The following PLCXD3 variants were observed in gnomAD, a reference collection of about 807,000 sequenced individuals.
PLCXD3 encodes phosphatidylinositol specific phospholipase C X domain containing 3.
In PLCXD3, 19 loss-of-function variants were observed where a neutral mutation model predicts 25.5. The ratio of observed to expected loss-of-function variants is 0.75; its 90% CI spans 0.52 to 1.09. The LOEUF (loss-of-function observed/expected upper bound fraction) is 1.09. Ranked by LOEUF, PLCXD3 falls within the 50% of genes least tolerant of loss-of-function variation. PLCXD3 has a pLI of 0.00. For missense variants in PLCXD3, 411 were observed against 388.1 expected (o/e 1.06, Z -0.50); for synonymous variants, 174 against 137.6 (o/e 1.26, Z -1.85).
chr5:41,362,508 C>G (rs953049468), intron 2 of PLCXD3, among the ~76,000 whole-genome samples: 1 of 152,118 alleles, frequency 6.6e-6, no homozygotes, highest in Non-Finnish European at 1.5e-5. Context: ...AATAATATGT[C>G]TATTATAGTC....
intron 2 of PLCXD3, among the ~76,000 whole-genome samples, chr5:41,348,849 C>T (rs73075983): frequency 0.011 from 1,719 of 152,120 alleles, 25 homozygotes; most frequent in African/African-American, 0.04. Context: ...TGAAAATAAG[C>T]CATTTCCTTC....
chr5:41,500,752 T>G (rs527965365), intron 1 of PLCXD3, among the ~76,000 whole-genome samples: 1 of 151,894 alleles, frequency 6.6e-6, no homozygotes, highest in Admixed American at 6.6e-5. Flanking sequence ...AAAGCCTCTC[T>G]GCAGGAAAAG....
chr5:41,502,467 C>T (rs1052952264), intron 1 of PLCXD3, among the ~76,000 whole-genome samples: 1 of 151,956 alleles, frequency 6.6e-6, no homozygotes, highest in Non-Finnish European at 1.5e-5. Flanking sequence ...TGCTTTAATA[C>T]AATGGAGCCC....
intron 1 of PLCXD3, among the ~76,000 whole-genome samples, chr5:41,500,600 A>G (rs1480912217): frequency 6.6e-6 from 1 of 151,702 alleles, no homozygotes; most frequent in African/African-American, 2.4e-5. Flanking sequence ...CTTAAACCTA[A>G]GACCTGAAAC....
chr5:41,316,218 G>A (rs188098590), intron 2 of PLCXD3, among the ~76,000 whole-genome samples: 8 of 152,254 alleles, frequency 5.3e-5, no homozygotes, highest in Middle Eastern at 3.4e-3. Flanking sequence ...CCCCGTTCCA[G>A]GCCCTAGCTC....
chr5:41,462,800 A>T (rs935059691), intron 1 of PLCXD3, among the ~76,000 whole-genome samples: 9 of 151,932 alleles, frequency 5.9e-5, no homozygotes, highest in Admixed American at 4.6e-4. Context: ...GAAAAAAAAA[A>T]GAAAAAGAAA....
intron 2 of PLCXD3, among the ~76,000 whole-genome samples, chr5:41,320,316 G>T (rs12188577): frequency 2.0e-5 from 3 of 151,756 alleles, no homozygotes; most frequent in Non-Finnish European, 2.9e-5. Context: ...ACAAAAAAAA[G>T]AAAAAACAAC....
At chr5:41,491,791 A>G (rs1009943915) in intron 1 of PLCXD3, among the ~76,000 whole-genome samples, 11 of 151,880 alleles carry the variant, frequency 7.2e-5, no homozygotes, top group African/African-American at 2.4e-4. Context: ...TGCTTGGTAG[A>G]TCTTCCTTCA....
At chr5:41,451,994 A>G (rs2150514425) in intron 1 of PLCXD3, among the ~76,000 whole-genome samples, 1 of 152,144 alleles carries the variant, frequency 6.6e-6, no homozygotes, top group Non-Finnish European at 1.5e-5. Context: ...CCATACTTTC[A>G]GCTAAGTCTT....
intron 2 of PLCXD3, among the ~76,000 whole-genome samples, chr5:41,375,345 T>C (rs920569242): frequency 6.6e-5 from 10 of 152,084 alleles, no homozygotes; most frequent in Non-Finnish European, 1.2e-4. Context: ...TGGTATGCTC[T>C]GCCCCCTTCA....
At chr5:41,431,588 G>C (rs147067092) in intron 1 of PLCXD3, among the ~76,000 whole-genome samples, 8 of 152,200 alleles carry the variant, frequency 5.3e-5, no homozygotes, top group African/African-American at 1.7e-4. Flanking sequence ...TTATATAGCT[G>C]TTTGCTTATG....
At chr5:41,368,748 G>C (rs370261619) in intron 2 of PLCXD3, among the ~76,000 whole-genome samples, 8 of 152,092 alleles carry the variant, frequency 5.3e-5, no homozygotes, top group African/African-American at 1.7e-4. Flanking sequence ...TATCATGAAG[G>C]GATGTTGAAT....
chr5:41,324,640 G>T (rs928710327), intron 2 of PLCXD3, among the ~76,000 whole-genome samples: 2 of 152,130 alleles, frequency 1.3e-5, no homozygotes, highest in Admixed American at 1.3e-4. Context: ...TCATTAGAAC[G>T]ACAGATACTG....
At chr5:41,491,844 G>T (rs1191088353) in intron 1 of PLCXD3, among the ~76,000 whole-genome samples, 35 of 151,966 alleles carry the variant, frequency 2.3e-4, no homozygotes, top group Non-Finnish European at 2.9e-5. Context: ...ACATGAGATG[G>T]GTTTCCTGAA....
At chr5:41,436,054 G>T (rs572018765) in intron 1 of PLCXD3, among the ~76,000 whole-genome samples, 3 of 152,304 alleles carry the variant, frequency 2.0e-5, no homozygotes, top group African/African-American at 7.2e-5. Flanking sequence ...AATATTGAAA[G>T]AGAAGTTGGA....
chr5:41,489,065 C>A (rs1748587695), intron 1 of PLCXD3, among the ~76,000 whole-genome samples: 1 of 152,138 alleles, frequency 6.6e-6, no homozygotes, highest in African/African-American at 2.4e-5. Context: ...GGTTTTAGGT[C>A]TAACGTTTAA....
Position 41,312,685 on chromosome 5 carries a change from TTTCCTTCCTTCCTTCCTTCCTTCCTTCC to T in PLCXD3, c.*904_*931del, listed in dbSNP as rs56721407. ...CTTCCTCCCTCCCTTCCTTTCTTCCTTTCCTTCCTTCCTTCCTTCCTTCCTTCCTTCCTTCCTTCCTTCCTTCCTTCTG... is the reference window on the plus strand; with the variant it reads ...CTTCCTCCCTCCCTTCCTTTCTTCCTTTCCTTCCTTCCTTCCTTCCTTCTG... On this transcript the variant is annotated 3_prime_UTR_variant, in exon 3 of 3. Coordinates refer to ENST00000377801, the MANE Select transcript of PLCXD3 (RefSeq NM_001005473.3). 4 of 104,678 alleles carry T rather than the reference TTTCCTTCCTTCCTTCCTTCCTTCCTTCC, an allele frequency of 3.8e-5. No individual in the cohort carries two copies. The highest frequency in any genetic ancestry group is 1.4e-4 in the African/African-American group (4 of 28,340). The allele number at this position is 104,678 out of a possible 1,614,324, so 6.5% of individuals were successfully genotyped here.
intron 1 of PLCXD3, among the ~76,000 whole-genome samples, chr5:41,418,530 T>C (rs2150505401): frequency 6.6e-6 from 1 of 152,342 alleles, no homozygotes; most frequent in Non-Finnish European, 1.5e-5. Context: ...ATTAATTTTT[T>C]TGGTACACTT....
intron 1 of PLCXD3, among the ~76,000 whole-genome samples, chr5:41,430,206 C>G (rs1397935779): frequency 2.0e-5 from 3 of 152,148 alleles, no homozygotes; most frequent in Non-Finnish European, 4.4e-5. Flanking sequence ...ATTTGTAAAG[C>G]ACTTCTAACA....
Sources: allele counts gnomAD v4.1 joint callset (sites outside exome capture counted in the v4.1 genomes callset), GRCh38; gene constraint gnomAD v4.1.1; transcripts MANE v1.5; gene names NCBI Gene and HGNC (gene_info 2026-07-23, HGNC 2026-07-21).